The following RAB5B variants were observed in gnomAD, a reference collection of about 807,000 sequenced individuals.
RAB5B encodes the protein ras-related protein Rab-5B.
RAB5B carries 11 observed loss-of-function variants against 28.6 expected under a neutral mutation model. The observed-to-expected ratio is 0.38, with a 90% CI of 0.24 to 0.64. The LOEUF is 0.64. Ranked by LOEUF, RAB5B falls within the 30% of genes least tolerant of loss-of-function variation. The pLI, the probability that RAB5B is intolerant of heterozygous loss-of-function variation, is 0.53. For missense variants in RAB5B, 169 were observed against 265.6 expected (o/e 0.64, Z 2.53); for synonymous variants, 93 against 97.9 (o/e 0.95, Z 0.29).
chr12:55,983,065 C>T (rs528681593), intron 1 of RAB5B, among the ~76,000 whole-genome samples: 3 of 151,832 alleles, frequency 2.0e-5, no homozygotes, highest in Admixed American at 2.0e-4. Flanking sequence ...ATGGTGTCAC[C>T]TGTCTTCTCT....
At chr12:55,980,583 T>C (rs527469139) in intron 1 of RAB5B, 1 of 1,597,618 alleles carries the variant, frequency 6.3e-7, no homozygotes, top group African/African-American at 1.3e-5. Flanking sequence ...GATTTAGCAC[T>C]AGTTTCGAAA....
chr12:55,978,816 A>C (rs1174476241), intron 1 of RAB5B, among the ~76,000 whole-genome samples: 3 of 146,028 alleles, frequency 2.1e-5, no homozygotes, highest in African/African-American at 7.6e-5. Context: ...TTTGCTGTCC[A>C]GGCTGGAGTA....
At chr12:55,991,288 T>C in intron 4 of RAB5B, 72 bp from the exon 5 acceptor site, 3 of 1,185,760 alleles carry the variant, frequency 2.5e-6, no homozygotes, top group Non-Finnish European at 3.8e-6. Context: ...GCTGTTGTGC[T>C]GCATGGGAGT....
At chr12:55,984,964 A>G (rs1276305591) in intron 1 of RAB5B, among the ~76,000 whole-genome samples, 1 of 152,208 alleles carries the variant, frequency 6.6e-6, no homozygotes, top group African/African-American at 2.4e-5. Context: ...CATATTAGTA[A>G]TGATTAGTAG....
chr12:55,983,654 CT>C (rs34363943), intron 1 of RAB5B, among the ~76,000 whole-genome samples: 34,598 of 121,584 alleles, frequency 0.28, 4,632 homozygotes, highest in African/African-American at 0.32. Flanking sequence ...GTTATGTCTC[CT>C]TTTTTTTTTT....
Position 55,992,627 on chromosome 12 carries a change from C to T in RAB5B, c.*415C>T. On this transcript the variant is annotated 3_prime_UTR_variant, in exon 6 of 6. Transcript: ENST00000360299. ...CCTGTTCTTGAGCCTCTTTTCTCCT[C>T]TCCCCAGGATGCAGAAAGTGGTGAA... 2.3e-6 allele frequency: 1 copy of T among 433,912 alleles called. No individual in the cohort carries two copies. The highest frequency in any genetic ancestry group is 4.5e-6 in the Non-Finnish European group (1 of 222,676). The allele number at this position is 433,912 out of a possible 1,614,324, so 26.9% of individuals were successfully genotyped here.
chr12:55,992,582 C>T lies in RAB5B; in HGVS notation c.*370C>T, dbSNP rs1427929461. The T allele has an allele frequency of 2.2e-6, 1 of 463,850 alleles. No individual in the cohort carries two copies. The allele number at this position is 463,850 out of a possible 1,614,324, so 28.7% of individuals were successfully genotyped here. Reference sequence around the variant, plus strand: ...AACACTTCTGACTCCTGTCCCTTCCCCTTCTGCTTTTGGTCAGTCCCTGTT... The same window carrying T: ...AACACTTCTGACTCCTGTCCCTTCCTCTTCTGCTTTTGGTCAGTCCCTGTT... On this transcript the variant is annotated 3_prime_UTR_variant, in exon 6 of 6. Transcript: ENST00000360299.
At position 55,992,519 on chromosome 12, in the gene RAB5B, TCTC is replaced by T. The variant is rs764385039; in HGVS notation, c.*315_*317del. The T allele has an allele frequency of 5.6e-6, 3 of 533,490 alleles. No homozygotes were observed. Among genetic ancestry groups the T allele is most frequent in the Middle Eastern group, 2.9e-4 (1 of 3,506 alleles). The allele number at this position is 533,490 out of a possible 1,614,324, so 33.0% of individuals were successfully genotyped here. On this transcript the variant is annotated 3_prime_UTR_variant, in exon 6 of 6. Transcript: ENST00000360299. The stretch of plus-strand genomic sequence containing the variant: ...ACAAGACAGCGACTTACGTATCTTT[TCTC>T]CTCCTCCCTAGTGTTCCTCCCCATT...
At chr12:55,985,400 A>G (rs532715884) in intron 1 of RAB5B, among the ~76,000 whole-genome samples, 1 of 152,228 alleles carries the variant, frequency 6.6e-6, no homozygotes, top group African/African-American at 2.4e-5. Flanking sequence ...AAAGCGAAAG[A>G]GTAATTTGAA....
At chr12:55,977,119 C>T (rs1475673055) in intron 1 of RAB5B, among the ~76,000 whole-genome samples, 1 of 152,082 alleles carries the variant, frequency 6.6e-6, no homozygotes, top group Non-Finnish European at 1.5e-5. Flanking sequence ...GGATTACAGG[C>T]GTGCACCACC....
At chr12:55,983,164 C>G (rs190285832) in intron 1 of RAB5B, among the ~76,000 whole-genome samples, 1 of 151,938 alleles carries the variant, frequency 6.6e-6, no homozygotes, top group African/African-American at 2.4e-5. Flanking sequence ...CTGCAACCTC[C>G]GCCCTCTGGG....
chr12:55,986,925 C>T lies in RAB5B; in HGVS notation c.-36C>T, dbSNP rs1233134433. 3 of 1,104,412 alleles carry T rather than the reference C, an allele frequency of 2.7e-6. No individual in the cohort carries two copies. Among genetic ancestry groups the T allele is most frequent in the South Asian group, 2.5e-5 (2 of 79,656 alleles). The allele number at this position is 1,104,412 out of a possible 1,614,324, so 68.4% of individuals were successfully genotyped here. On this transcript the variant is annotated 5_prime_UTR_variant, in exon 2 of 6. Transcript: ENST00000360299. ...CCCCCTCCCCCCTTTACAGTATCCC[C>T]CTCCCTCCACCCTTTCCCATTCTGA... is the stretch of plus-strand genomic sequence containing the variant.
chr12:55,981,073 T>C lies in RAB5B; in HGVS notation c.-92-5796T>C, dbSNP rs561097496. 418 of 1,574,010 alleles carry C rather than the reference T, an allele frequency of 2.7e-4. 3 individuals are homozygous for C. In the South Asian group the frequency reaches 4.4e-3, roughly 17 times the overall value. On this transcript the variant is annotated intron_variant, in intron 1 of 5. Transcript: ENST00000360299. ...GAGCCGGGGAAGGGATGGGGCTATT[T>C]ATTTATTTTTGAGACGGAATCGCTC...
intron 5 of RAB5B, 118 bp from the exon 6 acceptor site, chr12:55,991,979 T>C (rs1224155484): frequency 4.1e-6 from 3 of 727,084 alleles, no homozygotes; most frequent in East Asian, 5.4e-5. Context: ...CAGAACATTC[T>C]TTTAATCTCT....
At chr12:55,991,571 A>G (rs1472853431) in intron 5 of RAB5B, 118 bp downstream of exon 5, 2 of 747,412 alleles carry the variant, frequency 2.7e-6, no homozygotes, top group African/African-American at 3.5e-5. Context: ...AGGTATGGAA[A>G]TACCTTAACT....
chr12:55,990,694 C>G lies in RAB5B; in HGVS notation c.328C>G (p.Arg110Gly), dbSNP rs1176930952. Residue 110 changes from arginine (R) to glycine (G), a missense_variant, in exon 4 of 6, where the codon CGA becomes GGA. Transcript: ENST00000360299. ...YDITNQETFA[R>G]AKTWVKELQR... ...CATGTTTTCCTAGGAAACCTTTGCC[C>G]GAGCAAAGACATGGGTGAAGGAACT... 1 of 1,613,632 alleles carries G rather than the reference C, an allele frequency of 6.2e-7. No homozygotes were observed. The highest frequency in any genetic ancestry group is 1.7e-5 in the Admixed American group (1 of 59,996).
At chr12:55,988,500 TTTTATTTA>T (rs1285472210) in intron 2 of RAB5B, among the ~76,000 whole-genome samples, 1 of 152,104 alleles carries the variant, frequency 6.6e-6, no homozygotes, top group African/African-American at 2.4e-5. Context: ...CCCTTGTTAT[TTTTATTTA>T]TTTATTTATT....
At chr12:55,991,221 A>G in intron 4 of RAB5B, 139 bp from the exon 5 acceptor site, 2 of 631,272 alleles carry the variant, frequency 3.2e-6, no homozygotes, top group Non-Finnish European at 2.9e-6. Flanking sequence ...TTATGCATCT[A>G]GGCTAGCTGG....
At chr12:55,974,073 T>G (rs1889569191), upstream of RAB5B, 1 of 152,562 alleles carries the variant, frequency 6.6e-6, no homozygotes, top group African/African-American at 2.4e-5. Flanking sequence ...CAGGAGGGTT[T>G]GGTTGAGCTG....
Sources: gnomAD v4.1 joint callset for allele counts (sites outside exome capture counted in the v4.1 genomes callset) on GRCh38, gnomAD v4.1.1 for gene constraint, MANE v1.5 for transcripts, NCBI Gene and HGNC (gene_info 2026-07-23, HGNC 2026-07-21) for gene names.